Variants in BDKRB2 observed in about 807,000 individuals in gnomAD.
BDKRB2 encodes the protein bradykinin receptor B2.
A neutral mutation model predicts 4.0 loss-of-function variants in BDKRB2; 6 were observed. The ratio of observed to expected loss-of-function variants is 1.49; its 90% CI spans 0.81 to 2.93. The LOEUF is 2.93. Among genes scored for constraint, BDKRB2 ranks in the 30% most tolerant of loss-of-function variants. The probability of loss-of-function intolerance (pLI) is 0.00; values close to 1 mark genes in which losing one functional copy is unlikely to be tolerated. For missense variants in BDKRB2, 478 were observed against 520.1 expected, an observed-to-expected ratio of 0.92 and a Z score of 0.79; for synonymous variants, 225 against 215.3, an observed-to-expected ratio of 1.05 and a Z score of -0.40.
intron 1 of BDKRB2, among the ~76,000 whole-genome samples, chr14:96,221,462 C>T (rs1169009380): frequency 6.6e-6 from 1 of 152,110 alleles, no homozygotes; most frequent in African/African-American, 2.4e-5. Context: ...CCTAGCCCCT[C>T]GCTCAAGTAG....
At chr14:96,212,245 A>G (rs551599942) in intron 1 of BDKRB2, among the ~76,000 whole-genome samples, 12 of 152,378 alleles carry the variant, frequency 7.9e-5, no homozygotes, top group African/African-American at 2.9e-4. Context: ...ACACTGTTAC[A>G]TCAAAGAGAC....
intron 1 of BDKRB2, among the ~76,000 whole-genome samples, chr14:96,216,639 G>C (rs973045712): frequency 4.1e-5 from 6 of 146,912 alleles, no homozygotes; most frequent in Non-Finnish European, 9.0e-5. Context: ...AGAAAAAGAA[G>C]AGAGAAGAGG....
At chr14:96,237,584 G>C (rs1890965860) in intron 2 of BDKRB2, 2 of 1,171,098 alleles carry the variant, frequency 1.7e-6, no homozygotes, top group Admixed American at 3.2e-5. Context: ...ACCCTAAAGA[G>C]AGAATTTAAG....
At chr14:96,234,410 C>T (rs1890886576) in intron 1 of BDKRB2, among the ~76,000 whole-genome samples, 1 of 152,164 alleles carries the variant, frequency 6.6e-6, no homozygotes, top group African/African-American at 2.4e-5. Context: ...CTCACCCTCC[C>T]TCAGGCTCCT....
At chr14:96,211,750 GGCAAGA>G (rs1028822135) in intron 1 of BDKRB2, among the ~76,000 whole-genome samples, 1 of 152,118 alleles carries the variant, frequency 6.6e-6, no homozygotes, top group Non-Finnish European at 1.5e-5. Flanking sequence ...TGTGACCTAG[GGCAAGA>G]GATGTGGTCT....
intron 1 of BDKRB2, among the ~76,000 whole-genome samples, chr14:96,224,264 A>G (rs945055334): frequency 6.6e-6 from 1 of 152,040 alleles, no homozygotes; most frequent in African/African-American, 2.4e-5. Context: ...TATATTCCAA[A>G]TTTTCCATAA....
At chr14:96,226,452 G>A (rs926793684) in intron 1 of BDKRB2, among the ~76,000 whole-genome samples, 3 of 152,122 alleles carry the variant, frequency 2.0e-5, no homozygotes, top group Non-Finnish European at 2.9e-5. Context: ...TCGGGAGTTC[G>A]AGACCAGCCT....
Position 96,241,305 on chromosome 14 carries a change from G to T in BDKRB2, c.977G>T (p.Cys326Phe), listed in dbSNP as rs1885284233. The T allele has an allele frequency of 1.2e-6, 2 of 1,614,050 alleles. No individual in the cohort carries two copies. Among genetic ancestry groups the T allele is most frequent in the East Asian group, 4.5e-5 (2 of 44,878 alleles). The change falls in exon 3 of 3, where the codon TGC becomes TTC. Residue 326 changes from cysteine (C) to phenylalanine (F), a missense_variant. Cys to Phe is a radical substitution (Grantham distance 205). Coordinates refer to ENST00000554311, the MANE Select transcript of BDKRB2 (RefSeq NM_001379692.1). Reference sequence around the variant, plus strand: ...TCCTTCATGGCCTACAGCAACAGCTGCCTCAACCCACTGGTGTACGTGATC... The same window carrying T: ...TCCTTCATGGCCTACAGCAACAGCTTCCTCAACCCACTGGTGTACGTGATC... ...IASFMAYSNS[C>F]LNPLVYVIVG...
intron 1 of BDKRB2, among the ~76,000 whole-genome samples, chr14:96,213,103 C>T (rs1353595399): frequency 1.3e-5 from 2 of 152,146 alleles, no homozygotes; most frequent in Admixed American, 6.5e-5. Flanking sequence ...CAGGACAGGT[C>T]ACTGACCTCT....
chr14:96,225,832 T>C (rs1233403030), intron 1 of BDKRB2, among the ~76,000 whole-genome samples: 2 of 152,114 alleles, frequency 1.3e-5, no homozygotes. Context: ...GGGAAGAAGG[T>C]CACAGCCCAG....
At chr14:96,223,239 G>A in intron 1 of BDKRB2, 1 of 1,074,140 alleles carries the variant, frequency 9.3e-7, no homozygotes, top group Non-Finnish European at 1.5e-6. Flanking sequence ...CTGAATGGAG[G>A]AATCTTGGCG....
At chr14:96,227,682 C>T (rs967324914) in intron 1 of BDKRB2, among the ~76,000 whole-genome samples, 1 of 144,698 alleles carries the variant, frequency 6.9e-6, no homozygotes, top group Non-Finnish European at 1.5e-5. Flanking sequence ...CGTGTGCACA[C>T]AAACACACAC....
intron 1 of BDKRB2, among the ~76,000 whole-genome samples, chr14:96,215,760 CATCA>C (rs1890402755): frequency 1.3e-5 from 2 of 152,232 alleles, no homozygotes; most frequent in Admixed American, 1.3e-4. Flanking sequence ...GCTGGCATCT[CATCA>C]GATGCAATTT....
chr14:96,220,572 G>A (rs1890535218), intron 1 of BDKRB2, among the ~76,000 whole-genome samples: 1 of 151,966 alleles, frequency 6.6e-6, no homozygotes, highest in South Asian at 2.1e-4. Flanking sequence ...TGCAGATCTG[G>A]AGGTACCAAC....
intron 1 of BDKRB2, among the ~76,000 whole-genome samples, chr14:96,234,849 A>G (rs1017277048): frequency 2.6e-5 from 4 of 152,180 alleles, no homozygotes; most frequent in Non-Finnish European, 5.9e-5. Context: ...CACGTCCCCC[A>G]TGACTGAGCT....
rs200711679 is a variant in BDKRB2 at position 96,243,119 on chromosome 14, G to T, written c.*1615G>T. ...AGAAGCTGGAGGACTAGAACCTGGA[G>T]GGCTGGAATCTGGAGAGCTAGAACC... On this transcript the variant is annotated 3_prime_UTR_variant, in exon 3 of 3. Coordinates refer to ENST00000554311, the MANE Select transcript of BDKRB2 (RefSeq NM_001379692.1). 6.4e-6 allele frequency: 1 copy of T among 155,608 alleles called. No homozygotes were observed. The highest frequency in any genetic ancestry group is 6.6e-5 in the Admixed American group (1 of 15,248). The allele number at this position is 155,608 out of a possible 1,614,324, so 9.6% of individuals were successfully genotyped here. A position where few individuals can be genotyped will look rare whatever the true frequency, so the allele number is the denominator to read the frequency against.
At chr14:96,210,308 T>C (rs1366769564) in intron 1 of BDKRB2, among the ~76,000 whole-genome samples, 2 of 152,178 alleles carry the variant, frequency 1.3e-5, no homozygotes, top group African/African-American at 4.8e-5. Context: ...TCCCTTTGGC[T>C]TAGTGCGTTT....
intron 1 of BDKRB2, among the ~76,000 whole-genome samples, chr14:96,217,068 A>T (rs372585941): frequency 4.7e-4 from 72 of 152,316 alleles, no homozygotes; most frequent in African/African-American, 1.7e-3. Flanking sequence ...ACCTTTAGTG[A>T]CAGGGAACTA....
At position 96,240,451 on chromosome 14, in the gene BDKRB2, C is replaced by A. The variant is rs200569353; in HGVS notation, c.123C>A (p.Thr41=). The A allele has an allele frequency of 5.3e-6, 8 of 1,507,090 alleles. No homozygotes were observed. In the East Asian group the frequency reaches 9.3e-5, roughly 17 times the overall value. 93.4% of individuals were successfully genotyped at this position (1,507,090 alleles called of 1,614,324 possible). Residue 41 remains threonine, a synonymous_variant, in exon 3 of 3, where the codon ACC becomes ACA. Transcript: ENST00000554311. ...VTLQGPTLNG[T]FAQSKCPQVE... is the part of the protein sequence containing the mutation. ...TGCAAGGGCCCACTCTTAACGGGAC[C>A]TTTGCCCAGAGCAAATGCCCCCAAG...
Sources: allele counts gnomAD v4.1 joint callset (sites outside exome capture counted in the v4.1 genomes callset), GRCh38; gene constraint gnomAD v4.1.1; transcripts MANE v1.5; gene names NCBI Gene and HGNC (gene_info 2026-07-23, HGNC 2026-07-21).